The following FAM241A variants were observed in gnomAD, a reference collection of about 807,000 sequenced individuals.
FAM241A encodes family with sequence similarity 241 member A, also known as uncharacterized protein FAM241A.
FAM241A carries 7 observed loss-of-function variants against 12.2 expected under a neutral mutation model. The observed-to-expected ratio is 0.58, with a 90% CI of 0.33 to 1.08. FAM241A has a LOEUF of 1.08. Ranked by LOEUF, FAM241A falls within the 50% of genes least tolerant of loss-of-function variation. FAM241A has a pLI of 0.04. For missense variants in FAM241A, 161 were observed against 169.7 expected (o/e 0.95, Z 0.29); for synonymous variants, 74 against 68.2 (o/e 1.08, Z -0.42).
intron 1 of FAM241A, among the ~76,000 whole-genome samples, chr4:112,185,329 G>A (rs1724016415): frequency 6.6e-6 from 1 of 152,102 alleles, no homozygotes; most frequent in South Asian, 2.1e-4. Flanking sequence ...TATTGGAAAA[G>A]CATGGTCACC....
Position 112,162,290 on chromosome 4 carries a change from C to G in FAM241A, c.153+16557C>G, listed in dbSNP as rs377406045. 1.1e-4 allele frequency among the ~76,000 whole-genome samples: 17 copies of G among 152,226 alleles called. 1 individual carries two copies. The South Asian group carries it at 3.3e-3, about 30-fold the overall frequency. ...TCTCTCACCACTCCTATTCAACATA[C>G]TGTTGGAAGTTCTGGCCAGGGCAGT... On this transcript the variant is annotated intron_variant, in intron 1 of 1. Transcript: ENST00000309733.
intron 1 of FAM241A, among the ~76,000 whole-genome samples, chr4:112,160,506 A>C (rs1292714440): frequency 6.6e-6 from 1 of 152,190 alleles, no homozygotes; most frequent in East Asian, 1.9e-4. Flanking sequence ...ATTCAACGCA[A>C]TTTCTATCAA....
At chr4:112,158,280 C>G (rs1319509929) in intron 1 of FAM241A, among the ~76,000 whole-genome samples, 5 of 152,088 alleles carry the variant, frequency 3.3e-5, no homozygotes, top group African/African-American at 9.7e-5. Context: ...TTAAGTTGCT[C>G]TAACAATCTT....
chr4:112,175,555 G>C (rs890320138), intron 1 of FAM241A, among the ~76,000 whole-genome samples: 1 of 152,078 alleles, frequency 6.6e-6, no homozygotes, highest in South Asian at 2.1e-4. Context: ...ATAACCTGAG[G>C]TCAGGAGTTC....
At chr4:112,149,312 G>A (rs186604288) in intron 1 of FAM241A, among the ~76,000 whole-genome samples, 13 of 152,068 alleles carry the variant, frequency 8.5e-5, no homozygotes, top group Admixed American at 7.9e-4. Context: ...AGCCACACAT[G>A]TATTTTTAAT....
intron 1 of FAM241A, among the ~76,000 whole-genome samples, chr4:112,161,135 C>T (rs1723458383): frequency 6.6e-6 from 1 of 152,090 alleles, no homozygotes; most frequent in Non-Finnish European, 1.5e-5. Flanking sequence ...AACAACATAA[C>T]AGAATCTCTG....
intron 1 of FAM241A, chr4:112,171,454 T>C: frequency 2.6e-6 from 2 of 778,772 alleles, no homozygotes; most frequent in South Asian, 2.7e-5. Flanking sequence ...TCTAAGAGAA[T>C]GCTGGCTATT....
intron 1 of FAM241A, among the ~76,000 whole-genome samples, chr4:112,172,197 A>G (rs72893056): frequency 0.092 from 14,035 of 152,234 alleles, 793 homozygotes; most frequent in African/African-American, 0.15. Flanking sequence ...AACACATACT[A>G]TTCAATTAGT....
In FAM241A at chr4:112,165,169, G is replaced by A. The variant is rs566915112; in HGVS notation, c.153+19436G>A. Reference sequence around the variant, plus strand: ...ATGAAAAGATGCTCAACATCACTGAGCATCAGAGAAATGCAAATCAAAACT... The same window carrying A: ...ATGAAAAGATGCTCAACATCACTGAACATCAGAGAAATGCAAATCAAAACT... On this transcript the variant is annotated intron_variant, in intron 1 of 1. Coordinates refer to ENST00000309733, the MANE Select transcript of FAM241A (RefSeq NM_152400.3). Among the ~76,000 whole-genome samples, 5 of 152,240 alleles carry A rather than the reference G, an allele frequency of 3.3e-5. No individual in the cohort carries two copies. In the South Asian group the frequency reaches 1.0e-3, roughly 32 times the overall value.
intron 1 of FAM241A, among the ~76,000 whole-genome samples, chr4:112,168,311 A>G (rs959612491): frequency 6.6e-6 from 1 of 152,232 alleles, no homozygotes; most frequent in Non-Finnish European, 1.5e-5. Context: ...AAAAGCAATT[A>G]AACTTTTTTT....
intron 1 of FAM241A, among the ~76,000 whole-genome samples, chr4:112,161,678 AC>A (rs1026154999): frequency 2.0e-5 from 3 of 152,208 alleles, no homozygotes; most frequent in African/African-American, 7.2e-5. Context: ...TAGCCTAGCA[AC>A]CAAAAAAAGT....
intron 1 of FAM241A, among the ~76,000 whole-genome samples, chr4:112,175,421 C>G (rs979187988): frequency 1.3e-5 from 2 of 152,124 alleles, no homozygotes; most frequent in African/African-American, 4.8e-5. Context: ...CAGTAAAAGT[C>G]TTGGCTAGAG....
chr4:112,171,413 T>A, intron 1 of FAM241A: 1 of 770,316 alleles, frequency 1.3e-6, no homozygotes, highest in South Asian at 1.3e-5. Context: ...ATGATTGTGC[T>A]AAGGCTTGAG....
chr4:112,162,802 G>A (rs150162525), intron 1 of FAM241A, among the ~76,000 whole-genome samples: 1,662 of 152,128 alleles, frequency 0.011, 35 homozygotes, highest in African/African-American at 0.037. Context: ...AGAATTGGAA[G>A]ACACTACTTT....
At position 112,191,696 on chromosome 4, in the gene FAM241A, G is replaced by A. The variant is rs546247073; in HGVS notation, c.*4758G>A. On this transcript the variant is annotated 3_prime_UTR_variant, in exon 2 of 2. Transcript: ENST00000309733. Reference sequence around the variant, plus strand: ...TCAAGTGAGACATCATGTCCTCCAGGGAAACTTCTCTGACTCCTTTAAATC... The same window carrying A: ...TCAAGTGAGACATCATGTCCTCCAGAGAAACTTCTCTGACTCCTTTAAATC... The A allele has an allele frequency of 4.4e-4, 67 of 152,242 alleles. No individual in the cohort carries two copies. The highest frequency in any genetic ancestry group is 1.5e-3 in the African/African-American group (63 of 41,496). 9.4% of individuals were successfully genotyped at this position (152,242 alleles called of 1,614,324 possible).
intron 1 of FAM241A, among the ~76,000 whole-genome samples, chr4:112,181,058 C>A (rs1010339737): frequency 1.3e-5 from 2 of 152,058 alleles, no homozygotes; most frequent in Non-Finnish European, 2.9e-5. Context: ...AGTCATTGTT[C>A]CAAAGTGGAT....
intron 1 of FAM241A, among the ~76,000 whole-genome samples, chr4:112,150,096 G>C (rs377288058): frequency 1.3e-5 from 2 of 151,722 alleles, no homozygotes; most frequent in East Asian, 3.9e-4. Context: ...TGCATTTATG[G>C]TTTAATTTTT....
At chr4:112,168,082 A>G (rs994620511) in intron 1 of FAM241A, among the ~76,000 whole-genome samples, 1 of 152,244 alleles carries the variant, frequency 6.6e-6, no homozygotes, top group Non-Finnish European at 1.5e-5. Context: ...ATGTAAGCAC[A>G]AACTTTATTA....
intron 1 of FAM241A, among the ~76,000 whole-genome samples, chr4:112,156,259 T>G (rs115962322): frequency 6.6e-6 from 1 of 152,126 alleles, no homozygotes; most frequent in East Asian, 1.9e-4. Flanking sequence ...CCTGGAACTC[T>G]TCCCCCAGAT....
Sources: allele counts gnomAD v4.1 joint callset (sites outside exome capture counted in the v4.1 genomes callset), GRCh38; gene constraint gnomAD v4.1.1; transcripts MANE v1.5; gene names NCBI Gene and HGNC (gene_info 2026-07-23, HGNC 2026-07-21).